Variants in SLC25A12 observed in about 807,000 individuals in gnomAD.
SLC25A12 encodes electrogenic aspartate/glutamate antiporter SLC25A12, mitochondrial.
In SLC25A12, 32 loss-of-function variants were observed where a neutral mutation model predicts 83.3. The ratio of observed to expected loss-of-function variants is 0.38; its 90% confidence interval spans 0.29 to 0.52. SLC25A12 has a LOEUF of 0.52. SLC25A12 is among the 20% of genes least tolerant of loss of function. The pLI is 0.84. For synonymous variants in SLC25A12, 267 were observed against 291.1 expected (o/e 0.92, Z 0.84); for missense variants, 611 against 835.6 (o/e 0.73, Z 3.31).
intron 4 of SLC25A12, among the ~76,000 whole-genome samples, chr2:171,848,582 T>C (rs1337032279): frequency 6.6e-6 from 1 of 151,630 alleles, no homozygotes; most frequent in African/African-American, 2.4e-5. Flanking sequence ...AAGGAAAAAT[T>C]GGGAGGAAAG....
Position 171,802,192 on chromosome 2 carries a change from T to TG in SLC25A12, c.1305+7413dup, listed in dbSNP as rs942506050. Among the ~76,000 whole-genome samples the TG allele has an allele frequency of 2.4e-4, 37 of 152,208 alleles. 1 individual carries two copies. In the South Asian group the frequency reaches 6.6e-3, roughly 27 times the overall value. On this transcript the variant is annotated intron_variant, in intron 13 of 17. Transcript: ENST00000422440. Reference sequence around the variant, plus strand: ...AAAAAATTATTATTATTTGTAGAGATGGGGGGTCCCACTATGTTGCACAAG... The same window carrying TG: ...AAAAAATTATTATTATTTGTAGAGATGGGGGGGTCCCACTATGTTGCACAAG...
At chr2:171,875,721 G>A (rs978336910) in intron 2 of SLC25A12, among the ~76,000 whole-genome samples, 1 of 151,984 alleles carries the variant, frequency 6.6e-6, no homozygotes, top group African/African-American at 2.4e-5. Flanking sequence ...AGACCATCCT[G>A]GCTAACATGG....
intron 15 of SLC25A12, among the ~76,000 whole-genome samples, chr2:171,790,156 C>A (rs1683412208): frequency 6.6e-6 from 1 of 152,194 alleles, no homozygotes; most frequent in Non-Finnish European, 1.5e-5. Context: ...CCCAAGGGCT[C>A]CTACCACACA....
chr2:171,817,493 T>C (rs1684078055), intron 9 of SLC25A12, among the ~76,000 whole-genome samples: 1 of 146,762 alleles, frequency 6.8e-6, no homozygotes, highest in Admixed American at 7.0e-5. Flanking sequence ...TCCCAGCTAC[T>C]TGGGAGGCTG....
chr2:171,847,391 A>T (rs1684820695), intron 4 of SLC25A12, among the ~76,000 whole-genome samples: 1 of 152,220 alleles, frequency 6.6e-6, no homozygotes. Flanking sequence ...CCAGAACTGG[A>T]GAGCTTATGC....
At chr2:171,879,512 C>T (rs576141547) in intron 2 of SLC25A12, among the ~76,000 whole-genome samples, 23 of 152,220 alleles carry the variant, frequency 1.5e-4, no homozygotes, top group African/African-American at 5.5e-4. Context: ...TAAAGAAGAT[C>T]TACCAAAACA....
At chr2:171,805,297 G>T (rs748581355) in intron 13 of SLC25A12, among the ~76,000 whole-genome samples, 1 of 152,006 alleles carries the variant, frequency 6.6e-6, no homozygotes, top group South Asian at 2.1e-4. Context: ...TTTCAGTAGA[G>T]ACGGGGTTTC....
chr2:171,792,457 T>C (rs963622830), intron 14 of SLC25A12, among the ~76,000 whole-genome samples: 1 of 151,384 alleles, frequency 6.6e-6, no homozygotes, highest in African/African-American at 2.4e-5. Context: ...CGGCTAATTT[T>C]TTCTTTCTTT....
At chr2:171,893,754 T>C (rs2105938364) in intron 1 of SLC25A12, among the ~76,000 whole-genome samples, 1 of 152,274 alleles carries the variant, frequency 6.6e-6, no homozygotes, top group African/African-American at 2.4e-5. Flanking sequence ...TTCCATACCC[T>C]GCAATCTGCA....
chr2:171,847,411 G>A (rs907745063), intron 4 of SLC25A12, among the ~76,000 whole-genome samples: 46 of 152,226 alleles, frequency 3.0e-4, no homozygotes, highest in African/African-American at 1.1e-3. Flanking sequence ...CTTGTATGAG[G>A]TAATAACTCA....
At chr2:171,794,777 C>T (rs3770458) in intron 13 of SLC25A12, among the ~76,000 whole-genome samples, 71,008 of 152,014 alleles carry the variant, frequency 0.47, 18,997 homozygotes, top group East Asian at 0.68. Flanking sequence ...CATAACCATA[C>T]TCATATAATA....
intron 2 of SLC25A12, among the ~76,000 whole-genome samples, chr2:171,889,567 A>G (rs1298228444): frequency 1.3e-5 from 2 of 152,206 alleles, no homozygotes; most frequent in Non-Finnish European, 2.9e-5. Flanking sequence ...TCAGAAACCC[A>G]CAGTGGCTCC....
intron 9 of SLC25A12, 80 bp downstream of exon 9, chr2:171,826,718 A>T: frequency 1.2e-6 from 1 of 834,186 alleles, no homozygotes; most frequent in East Asian, 2.4e-5. Flanking sequence ...TTTTTACAGC[A>T]TTCAGAAGCT....
intron 4 of SLC25A12, among the ~76,000 whole-genome samples, chr2:171,844,930 A>G (rs1684761420): frequency 6.6e-6 from 1 of 152,182 alleles, no homozygotes; most frequent in Admixed American, 6.5e-5. Context: ...CATACTAAGT[A>G]TGGTTTGATT....
chr2:171,864,640 T>C (rs1184627127), intron 3 of SLC25A12, among the ~76,000 whole-genome samples: 2 of 152,264 alleles, frequency 1.3e-5, no homozygotes, highest in East Asian at 3.9e-4. Flanking sequence ...TTTCATGCCG[T>C]TCCTGTTCCC....
In SLC25A12 at chr2:171,785,249, T is replaced by G; in HGVS notation, c.*25A>C. On this transcript the variant is annotated 3_prime_UTR_variant, in exon 18 of 18. Coordinates refer to ENST00000422440, the MANE Select transcript of SLC25A12 (RefSeq NM_003705.5). ...TAGGCCTCTTTCTTCAAGGCGCCAT[T>G]TTGCCACACTCAACAGTTGTCTCAT... The G allele has an allele frequency of 6.2e-7, 1 of 1,612,820 alleles. No individual in the cohort carries two copies. Among genetic ancestry groups the G allele is most frequent in the Non-Finnish European group, 8.5e-7 (1 of 1,179,006 alleles).
chr2:171,811,948 C>A (rs1452065395), intron 11 of SLC25A12, among the ~76,000 whole-genome samples: 2 of 152,126 alleles, frequency 1.3e-5, no homozygotes, highest in East Asian at 3.9e-4. Flanking sequence ...AACCTTAATG[C>A]CACTCAACCT....
At chr2:171,893,421 A>T (rs1452543722) in intron 1 of SLC25A12, among the ~76,000 whole-genome samples, 163 bp from the exon 2 acceptor site, 1 of 152,206 alleles carries the variant, frequency 6.6e-6, no homozygotes, top group African/African-American at 2.4e-5. Context: ...GTCAAACTGG[A>T]TAACTGTGAC....
At chr2:171,837,386 T>C (rs1573971834) in intron 5 of SLC25A12, 119 bp from the exon 6 acceptor site, 5 of 1,042,444 alleles carry the variant, frequency 4.8e-6, no homozygotes, top group East Asian at 4.9e-5. Context: ...AAACAAACAA[T>C]GCACAGATCT....
Sources: allele counts gnomAD v4.1 joint callset (sites outside exome capture counted in the v4.1 genomes callset), GRCh38; gene constraint gnomAD v4.1.1; transcripts MANE v1.5; gene names NCBI Gene and HGNC (gene_info 2026-07-23, HGNC 2026-07-21).